The following ARHGAP10 variants were observed in gnomAD, a reference collection of about 807,000 sequenced individuals.
ARHGAP10 encodes the protein Rho GTPase activating protein 10.
A neutral mutation model predicts 108.6 loss-of-function variants in ARHGAP10; 87 were observed. That is an observed-to-expected ratio of 0.80 (90% CI 0.67 to 0.96). ARHGAP10 has a LOEUF of 0.96. ARHGAP10 is among the 40% of genes least tolerant of loss of function. The probability of loss-of-function intolerance (pLI) is 0.00; values close to 1 mark genes in which losing one functional copy is unlikely to be tolerated. For missense variants in ARHGAP10, 939 were observed against 954.5 expected (o/e 0.98, Z 0.21); for synonymous variants, 347 against 341.1 (o/e 1.02, Z -0.19).
At chr4:147,981,005 A>G (rs894669115) in intron 18 of ARHGAP10, among the ~76,000 whole-genome samples, 1 of 152,130 alleles carries the variant, frequency 6.6e-6, no homozygotes, top group African/African-American at 2.4e-5. Context: ...TTATCCTTTC[A>G]GAGAACCAAC....
At chr4:147,989,004 C>T (rs141976741) in intron 18 of ARHGAP10, among the ~76,000 whole-genome samples, 15 of 152,230 alleles carry the variant, frequency 9.9e-5, no homozygotes, top group African/African-American at 1.4e-4. Flanking sequence ...GGACCTGCCC[C>T]GATAATCACG....
At chr4:148,038,481 C>A (rs1189327083) in intron 19 of ARHGAP10, among the ~76,000 whole-genome samples, 1 of 152,194 alleles carries the variant, frequency 6.6e-6, no homozygotes, top group Non-Finnish European at 1.5e-5. Flanking sequence ...GCCACTGTGA[C>A]TTTTACCCAG....
intron 10 of ARHGAP10, among the ~76,000 whole-genome samples, chr4:147,903,503 C>A (rs1226636431): frequency 6.6e-6 from 1 of 152,196 alleles, no homozygotes; most frequent in African/African-American, 2.4e-5. Context: ...AGGGCTCACT[C>A]TTGGATTGTA....
rs1316192823 is a variant in ARHGAP10 at position 147,958,465 on chromosome 4, G to A, written c.1450+3091G>A. On this transcript the variant is annotated intron_variant, in intron 16 of 22. Transcript: ENST00000336498. ...TATCATGAGAAACATAACTATAATC[G>A]GATCCAAGACATTGGTGTTTACCTA... is the stretch of plus-strand genomic sequence containing the variant. Among the ~76,000 whole-genome samples, 3 of 152,074 alleles carry A rather than the reference G, an allele frequency of 2.0e-5. 1 individual carries two copies. The highest frequency in any genetic ancestry group is 4.8e-5 in the African/African-American group (2 of 41,424).
intron 13 of ARHGAP10, among the ~76,000 whole-genome samples, chr4:147,938,580 G>A (rs995691521): frequency 6.6e-6 from 1 of 152,160 alleles, no homozygotes; most frequent in Non-Finnish European, 1.5e-5. Context: ...GACTCCGAGA[G>A]GTTTCCTCTC....
chr4:147,862,802 A>T (rs1004306844), intron 5 of ARHGAP10: 2 of 152,246 alleles, frequency 1.3e-5, no homozygotes, highest in Non-Finnish European at 2.9e-5. Context: ...CCTTTGCAGT[A>T]ATAACAAATG....
intron 12 of ARHGAP10, among the ~76,000 whole-genome samples, chr4:147,911,551 A>G (rs1335387605): frequency 6.6e-6 from 1 of 152,114 alleles, no homozygotes; most frequent in Non-Finnish European, 1.5e-5. Context: ...TTTAGTAGAG[A>G]CGGGGTTTCA....
Position 147,876,807 on chromosome 4 carries a change from C to T in ARHGAP10, c.832+1657C>T, listed in dbSNP as rs556958404. 5.3e-5 allele frequency among the ~76,000 whole-genome samples: 8 copies of T among 152,222 alleles called. No homozygotes were observed. In the South Asian group the frequency reaches 1.7e-3, roughly 32 times the overall value. On this transcript the variant is annotated intron_variant, in intron 8 of 22. Transcript: ENST00000336498. The stretch of plus-strand genomic sequence containing the variant: ...TGTATACCCAGCACTGTGCTAAATT[C>T]GTATACAACTTGTCTCATTTATCCA...
intron 3 of ARHGAP10, among the ~76,000 whole-genome samples, chr4:147,837,160 G>T (rs1160567588): frequency 6.6e-6 from 1 of 152,166 alleles, no homozygotes; most frequent in African/African-American, 2.4e-5. Flanking sequence ...GAATGATGGG[G>T]AAGGTATAGG....
chr4:147,982,621 G>T (rs910656587), intron 18 of ARHGAP10, among the ~76,000 whole-genome samples: 2 of 135,762 alleles, frequency 1.5e-5, no homozygotes, highest in Non-Finnish European at 3.0e-5. Context: ...GGCTGGTCTC[G>T]AACTCCTTGG....
At chr4:148,062,885 T>C (rs182720702) in intron 20 of ARHGAP10, among the ~76,000 whole-genome samples, 2 of 152,168 alleles carry the variant, frequency 1.3e-5, no homozygotes, top group East Asian at 1.9e-4. Context: ...AGTGAACTCA[T>C]AGGGTGCTAG....
At position 147,934,538 on chromosome 4, in the gene ARHGAP10, G is replaced by T. The variant is rs971127702; in HGVS notation, c.1229-5287G>T. Among the ~76,000 whole-genome samples the T allele has an allele frequency of 3.6e-4, 55 of 152,186 alleles. 1 individual carries two copies. On this transcript the variant is annotated intron_variant, in intron 13 of 22. Coordinates refer to ENST00000336498, the MANE Select transcript of ARHGAP10 (RefSeq NM_024605.4). ...GAGTTGTGACTAAGATTGTGGACTT[G>T]TTTTAAGATGTACCCTGGTGGGTGC...
At chr4:147,772,139 C>G (rs537019477) in intron 1 of ARHGAP10, among the ~76,000 whole-genome samples, 1 of 152,288 alleles carries the variant, frequency 6.6e-6, no homozygotes, top group East Asian at 1.9e-4. Flanking sequence ...CTGAGAAGTT[C>G]TCTCTACTTC....
At chr4:147,911,992 C>CATAT (rs777868005) in intron 12 of ARHGAP10, among the ~76,000 whole-genome samples, 7,170 of 115,586 alleles carry the variant, frequency 0.062, 441 homozygotes, top group East Asian at 0.26. Context: ...TAAGAACATT[C>CATAT]ACGTGTGTGT....
intron 20 of ARHGAP10, among the ~76,000 whole-genome samples, chr4:148,053,825 G>T (rs1453891755): frequency 2.6e-5 from 4 of 152,154 alleles, no homozygotes; most frequent in African/African-American, 4.8e-5. Flanking sequence ...TATCTGCGTT[G>T]TGTACTTGGC....
At chr4:147,848,683 C>T (rs900279911) in intron 4 of ARHGAP10, among the ~76,000 whole-genome samples, 1 of 152,054 alleles carries the variant, frequency 6.6e-6, no homozygotes, top group African/African-American at 2.4e-5. Context: ...ATATGTGTGA[C>T]GGTTATATTA....
intron 13 of ARHGAP10, among the ~76,000 whole-genome samples, chr4:147,939,253 G>C (rs1431516527): frequency 6.6e-6 from 1 of 152,158 alleles, no homozygotes. Flanking sequence ...TCTCTGTAGA[G>C]AGAGAGGATG....
At chr4:147,864,681 C>A in intron 5 of ARHGAP10, 165 bp from the exon 6 acceptor site, 1 of 561,794 alleles carries the variant, frequency 1.8e-6, no homozygotes, top group Non-Finnish European at 3.1e-6. Context: ...AAAGTAGCTG[C>A]AGACAATACA....
At position 147,732,250 on chromosome 4, in the gene ARHGAP10, G is replaced by A. The variant is rs1728241060; in HGVS notation, c.-52G>A. 1.3e-6 allele frequency: 2 copies of A among 1,497,042 alleles called. No individual in the cohort carries two copies. Among genetic ancestry groups the A allele is most frequent in the African/African-American group, 3.0e-5 (2 of 67,546 alleles). The allele number at this position is 1,497,042 out of a possible 1,614,324, so 92.7% of individuals were successfully genotyped here. A position where few individuals can be genotyped will look rare whatever the true frequency, so the allele number is the denominator to read the frequency against. Reference sequence around the variant, plus strand: ...GCACCTGGCAGCGGCCTCGGAGCTCGGCTCGGGCAGGAGCGCGCGGCCGTG... The same window carrying A: ...GCACCTGGCAGCGGCCTCGGAGCTCAGCTCGGGCAGGAGCGCGCGGCCGTG... On this transcript the variant is annotated 5_prime_UTR_variant, in exon 1 of 23. Coordinates refer to ENST00000336498, the MANE Select transcript of ARHGAP10 (RefSeq NM_024605.4).
Sources: gnomAD v4.1 joint callset for allele counts (sites outside exome capture counted in the v4.1 genomes callset) on GRCh38, gnomAD v4.1.1 for gene constraint, MANE v1.5 for transcripts, NCBI Gene and HGNC (gene_info 2026-07-23, HGNC 2026-07-21) for gene names.